TBX6: variants seen among roughly 807,000 people sequenced by gnomAD.
TBX6 encodes T-box transcription factor 6, also known as T-box transcription factor TBX6.
In TBX6, 29 loss-of-function variants were observed where a neutral mutation model predicts 42.3. That is an observed-to-expected ratio of 0.69 (90% CI 0.51 to 0.93). TBX6 has a LOEUF of 0.93. TBX6 is among the 40% of genes least tolerant of loss of function. The pLI is 0.00. For missense variants in TBX6, 569 were observed against 603.3 expected, an observed-to-expected ratio of 0.94 and a Z score of 0.59; for synonymous variants, 249 against 245.1, an observed-to-expected ratio of 1.02 and a Z score of -0.15.
In TBX6 at chr16:30,089,362, C is replaced by CTG. The variant is rs2072689534; in HGVS notation, c.354-154_354-153dup. 2.9e-6 allele frequency: 3 copies of CTG among 1,042,926 alleles called. No homozygotes were observed. In the East Asian group the frequency reaches 7.9e-5, roughly 27 times the overall value. The allele number at this position is 1,042,926 out of a possible 1,614,324, so 64.6% of individuals were successfully genotyped here. On this transcript the variant is annotated intron_variant, in intron 3 of 8. Coordinates refer to ENST00000395224, the MANE Select transcript of TBX6 (RefSeq NM_004608.4). ...TAGAACCCAGAGGGCAGGCTGGAGGCTGTGGCTCACACCTCTAATCCCTAT... is the reference window on the plus strand; with the variant it reads ...TAGAACCCAGAGGGCAGGCTGGAGGCTGTGTGGCTCACACCTCTAATCCCTAT...
At position 30,088,909 on chromosome 16, in the gene TBX6, C is replaced by T. The variant is rs372376864; in HGVS notation, c.621+34G>A. The stretch of plus-strand genomic sequence containing the variant: ...CCTTGGCCTCCCTTCCAGCACCCCC[C>T]AACCCTATCCTGGAGTCCCAGCCTG... On this transcript the variant is annotated intron_variant, in intron 4 of 8. Coordinates refer to ENST00000395224, the MANE Select transcript of TBX6 (RefSeq NM_004608.4). This position sits in a 1 kb window ranked among gnomAD's most constrained non-coding sequence, Gnocchi z 4.1. 3.5e-5 allele frequency: 56 copies of T among 1,602,766 alleles called. 1 individual carries two copies. In the Middle Eastern group the frequency reaches 2.6e-3, roughly 76 times the overall value.
Position 30,088,824 on chromosome 16 carries a change from T to A in TBX6, c.637A>T (p.Met213Leu). Residue 213 changes from methionine (M) to leucine (L), a missense_variant, in exon 5 of 9, where the codon ATG (methionine) becomes TTG (leucine). Physicochemically the swap from Met to Leu is conservative, Grantham distance 15. Transcript: ENST00000395224. The surrounding 1 kb of genome is among the most constrained non-coding windows in gnomAD (Gnocchi z 4.1). ...DPHGHLILHS[M>L]HKYQPRIHLV... ...TGTATGCGGGGTTGGTACTTGTGCA[T>A]GGAGTGCAGGATCAGCTGGGAGGGA... The A allele has an allele frequency of 8.7e-6, 14 of 1,614,052 alleles. No individual in the cohort carries two copies. The highest frequency in any genetic ancestry group is 1.2e-5 in the Non-Finnish European group (14 of 1,179,946).
Position 30,086,336 on chromosome 16 carries a change from C to G in TBX6, c.1200G>C (p.Ala400=), listed in dbSNP as rs755585282. The G allele has an allele frequency of 1.7e-5, 28 of 1,604,228 alleles. No individual in the cohort carries two copies. Among genetic ancestry groups the G allele is most frequent in the Non-Finnish European group, 2.4e-5 (28 of 1,177,092 alleles). ...GGGCAAAGGGTACCGCCGGTGGAGC[C>G]GCTGGGTACCCGGAGCCCCCTGACC... The part of the protein sequence containing the change: ...PHGSGGSGYP[A]APPAVPFAPH... The change falls in exon 9 of 9, where the codon GCG becomes GCC. Residue 400 remains alanine, a synonymous_variant. Transcript: ENST00000395224. The surrounding 1 kb of genome is among the most constrained non-coding windows in gnomAD (Gnocchi z 4.6).
At position 30,090,785 on chromosome 16, in the gene TBX6, G is replaced by A; in HGVS notation, c.326C>T (p.Thr109Ile). 1 of 1,607,562 alleles carries A rather than the reference G, an allele frequency of 6.2e-7. No individual in the cohort carries two copies. Among genetic ancestry groups the A allele is most frequent in the Non-Finnish European group, 8.5e-7 (1 of 1,176,962 alleles). ...ELWKEFSSVG[T>I]EMIITKAGRR... ...CCCAGCTTTGGTGATGATCATTTCT[G>A]TTCCCACAGAGCTGAACTCCTTCCA... Residue 109 changes from threonine to isoleucine, a missense_variant, in exon 3 of 9, where the codon ACA (threonine) becomes ATA (isoleucine). Thr to Ile is a moderately conservative substitution (Grantham distance 89). Transcript: ENST00000395224.
rs757589781 is a variant in TBX6 at position 30,091,131 on chromosome 16, T to C, written c.63A>G (p.Gln21=). The change falls in exon 2 of 9, where the codon CAA becomes CAG. Residue 21 remains glutamine (Q), a synonymous_variant. Coordinates refer to ENST00000395224, the MANE Select transcript of TBX6 (RefSeq NM_004608.4). ...LGAGYRLGPA[Q]PGADSSFPPA... ...GTGGGAAGCTGGAGTCGGCCCCAGG[T>C]TGGGCGGGCCCCAGGCGGTAGCCGG... The C allele has an allele frequency of 1.9e-6, 3 of 1,592,862 alleles. No individual in the cohort carries two copies. In the East Asian group the frequency reaches 6.8e-5, roughly 36 times the overall value.
intron 3 of TBX6, among the ~76,000 whole-genome samples, chr16:30,089,657 C>T (rs1401307513): frequency 2.0e-5 from 3 of 151,712 alleles, no homozygotes; most frequent in Admixed American, 1.3e-4. Context: ...AAGGGCCAGG[C>T]GCAGTGGCTC....
chr16:30,086,260 C>A lies in TBX6; in HGVS notation c.1276G>T (p.Gly426Cys). 1 of 1,612,090 alleles carries A rather than the reference C, an allele frequency of 6.2e-7. No homozygotes were observed. The highest frequency in any genetic ancestry group is 1.3e-5 in the African/African-American group (1 of 74,928). ...PFPLPYTAPG[G>C]YLDVGSKPMY ...GGTTTGGAGCCCACATCCAGATAGCCCCCAGGCGCGGTGTATGGTAGAGGG... is the reference window on the plus strand; with the variant it reads ...GGTTTGGAGCCCACATCCAGATAGCACCCAGGCGCGGTGTATGGTAGAGGG... The change falls in exon 9 of 9, where the codon GGC (glycine) becomes TGC (cysteine). Residue 426 changes from glycine to cysteine, a missense_variant. Gly to Cys is a radical substitution (Grantham distance 159). Transcript: ENST00000395224. This position sits in a 1 kb window ranked among gnomAD's most constrained non-coding sequence, Gnocchi z 4.6.
chr16:30,091,128 A>G lies in TBX6; in HGVS notation c.66T>C (p.Pro22=). Residue 22 remains proline (P), a synonymous_variant, in exon 2 of 9, where the codon CCT becomes CCC. Coordinates refer to ENST00000395224, the MANE Select transcript of TBX6 (RefSeq NM_004608.4). ...CGGGTGGGAAGCTGGAGTCGGCCCC[A>G]GGTTGGGCGGGCCCCAGGCGGTAGC... ...GAGYRLGPAQ[P]GADSSFPPAL... The G allele has an allele frequency of 6.3e-7, 1 of 1,591,892 alleles. No individual in the cohort carries two copies. Among genetic ancestry groups the G allele is most frequent in the African/African-American group, 1.3e-5 (1 of 74,892 alleles).
At chr16:30,087,907 T>C (rs1461117039) in intron 6 of TBX6, 1 of 146,800 alleles carries the variant, frequency 6.8e-6, no homozygotes, top group Non-Finnish European at 1.5e-5. Flanking sequence ...TCTTTTTTTT[T>C]TTTTTTTTGA....
In TBX6 at chr16:30,089,142, A is replaced by T; in HGVS notation, c.422T>A (p.Leu141Gln). 1 of 1,614,118 alleles carries T rather than the reference A, an allele frequency of 6.2e-7. No individual in the cohort carries two copies. The highest frequency in any genetic ancestry group is 8.5e-7 in the Non-Finnish European group (1 of 1,180,028). ...AGCCCCATCCACCGGAATCACATCC[A>T]GAAGAAACAAGTAGCGGGCCTCGGG... The part of the protein sequence containing the change: ...LDPEARYLFL[L>Q]DVIPVDGARY... Residue 141 changes from leucine (L) to glutamine (Q), a missense_variant, in exon 4 of 9, where the codon CTG (leucine) becomes CAG (glutamine). Physicochemically the swap from Leu to Gln is moderately radical, Grantham distance 113 (BLOSUM62 -2). Transcript: ENST00000395224.
At position 30,086,198 on chromosome 16, in the gene TBX6, A is replaced by T. The variant is rs1394489914; in HGVS notation, c.*27T>A. On this transcript the variant is annotated 3_prime_UTR_variant, in exon 9 of 9. Coordinates refer to ENST00000395224, the MANE Select transcript of TBX6 (RefSeq NM_004608.4). The surrounding 1 kb of genome is among the most constrained non-coding windows in gnomAD (Gnocchi z 4.6). ...GGGGGAAGGGAGCGGGAGGTTTGTG[A>T]TGGAGGCAGAGGGGCCCAGCAGTGG... is the stretch of plus-strand genomic sequence containing the variant. The T allele has an allele frequency of 1.2e-6, 2 of 1,604,168 alleles. No individual in the cohort carries two copies. Among genetic ancestry groups the T allele is most frequent in the Admixed American group, 1.7e-5 (1 of 58,308 alleles).
At position 30,086,692 on chromosome 16, in the gene TBX6, G is replaced by T; in HGVS notation, c.917C>A (p.Thr306Lys). ...AATEAYGSGD[T>K]PGGPCDSTLG... ...GGTGGAGTCGCAGGGACCACCTGGT[G>T]TGTCTGGGGAGAGGGAAGGGAGAGG... The change falls in exon 8 of 9, where the codon ACA (threonine) becomes AAA (lysine). Residue 306 changes from threonine to lysine, a missense_variant. By Grantham distance (78) the Thr-to-Lys change is moderately conservative (BLOSUM62 -1). Transcript: ENST00000395224. The surrounding 1 kb of genome is among the most constrained non-coding windows in gnomAD (Gnocchi z 4.6). 3 of 1,612,598 alleles carry T rather than the reference G, an allele frequency of 1.9e-6. No homozygotes were observed. Among genetic ancestry groups the T allele is most frequent in the Middle Eastern group, 1.7e-4 (1 of 6,020 alleles).
Position 30,088,305 on chromosome 16 carries a change from T to A in TBX6, c.839+240A>T. The A allele has an allele frequency of 1.7e-6, 1 of 582,084 alleles. No individual in the cohort carries two copies. Among genetic ancestry groups the A allele is most frequent in the Non-Finnish European group, 3.1e-6 (1 of 326,522 alleles). The allele number at this position is 582,084 out of a possible 1,614,324, so 36.1% of individuals were successfully genotyped here. A position where few individuals can be genotyped will look rare whatever the true frequency, so the allele number is the denominator to read the frequency against. ...TTATTTCTCTTGTCTGCTTGTCTACTCTCCCCACTAGAAATCAGCTGCATG... is the reference window on the plus strand; with the variant it reads ...TTATTTCTCTTGTCTGCTTGTCTACACTCCCCACTAGAAATCAGCTGCATG... On this transcript the variant is annotated intron_variant, in intron 6 of 8. Transcript: ENST00000395224. This position sits in a 1 kb window ranked among gnomAD's most constrained non-coding sequence, Gnocchi z 4.1.
At chr16:30,091,380 T>C (rs1245297520) in intron 1 of TBX6, 139 bp from the exon 2 acceptor site, 4 of 564,518 alleles carry the variant, frequency 7.1e-6, no homozygotes, top group Non-Finnish European at 1.2e-5. Flanking sequence ...GGGGGTCGGA[T>C]ACCTGGGTAC....
rs1250682990 is a variant in TBX6 at position 30,088,670 on chromosome 16, C to T, written c.768+23G>A. The stretch of plus-strand genomic sequence containing the variant: ...CTGCGGTCTGGGCAGGGGGCCACCA[C>T]CCCCTCAAGCAGGGTCACTCACCTG... On this transcript the variant is annotated intron_variant, in intron 5 of 8. Transcript: ENST00000395224. This position sits in a 1 kb window ranked among gnomAD's most constrained non-coding sequence, Gnocchi z 4.1. 1.2e-6 allele frequency: 2 copies of T among 1,614,074 alleles called. No individual in the cohort carries two copies. Among genetic ancestry groups the T allele is most frequent in the African/African-American group, 1.3e-5 (1 of 75,012 alleles).
Position 30,086,090 on chromosome 16 carries a change from A to C in TBX6, c.*135T>G. 4.4e-6 allele frequency: 3 copies of C among 674,598 alleles called. No homozygotes were observed. The highest frequency in any genetic ancestry group is 4.5e-6 in the Non-Finnish European group (2 of 448,254). The allele number at this position is 674,598 out of a possible 1,614,324, so 41.8% of individuals were successfully genotyped here. ...GGGTGGGAGTGAAATCAAGGTGTGA[A>C]GTTGAGGGGGTGGGTGGGCAGGCCC... On this transcript the variant is annotated 3_prime_UTR_variant, in exon 9 of 9. Transcript: ENST00000395224. This position sits in a 1 kb window ranked among gnomAD's most constrained non-coding sequence, Gnocchi z 4.6.
At chr16:30,091,277 C>G in intron 1 of TBX6, 36 bp from the exon 2 acceptor site, 1 of 1,140,874 alleles carries the variant, frequency 8.8e-7, no homozygotes, top group Non-Finnish European at 1.2e-6. Flanking sequence ...ACAGCTCAGC[C>G]CCTTCCAGAT....
chr16:30,088,341 C>T lies in TBX6; in HGVS notation c.839+204G>A. On this transcript the variant is annotated intron_variant, in intron 6 of 8. Coordinates refer to ENST00000395224, the MANE Select transcript of TBX6 (RefSeq NM_004608.4). The surrounding 1 kb of genome is among the most constrained non-coding windows in gnomAD (Gnocchi z 4.1). ...GAAATCAGCTGCATGAGGGCCGGGG[C>T]TTTGGTTTGCTTTGTTTGTTTTATC... 2.9e-6 allele frequency: 2 copies of T among 688,970 alleles called. No individual in the cohort carries two copies. Among genetic ancestry groups the T allele is most frequent in the Non-Finnish European group, 4.9e-6 (2 of 405,190 alleles). 42.7% of individuals were successfully genotyped at this position (688,970 alleles called of 1,614,324 possible).
chr16:30,090,668 G>A (rs781761213), intron 3 of TBX6, 90 bp downstream of exon 3: 1 of 1,342,974 alleles, frequency 7.4e-7, no homozygotes. Context: ...CTAGCCCCTC[G>A]GGAACCACCC....
Sources: gnomAD v4.1 joint callset for allele counts (sites outside exome capture counted in the v4.1 genomes callset) on GRCh38, gnomAD v4.1.1 for gene constraint, Gnocchi (gnomAD v3.1) non-coding constraint, MANE v1.5 for transcripts, NCBI Gene and HGNC (gene_info 2026-07-23, HGNC 2026-07-21) for gene names.